The following PSMD3 variants were observed in gnomAD, a reference collection of about 807,000 sequenced individuals.
The protein encoded by PSMD3 is proteasome 26S subunit, non-ATPase 3.
Under a neutral mutation model 62.8 loss-of-function variants are expected in PSMD3, and 5 were observed. The observed-to-expected ratio is 0.08, with a 90% CI of 0.04 to 0.17. PSMD3 has a LOEUF of 0.17. PSMD3 is among the 10% of genes least tolerant of loss of function. The probability of loss-of-function intolerance (pLI) is 1.00; values close to 1 mark genes in which losing one functional copy is unlikely to be tolerated. For synonymous variants in PSMD3, 265 were observed against 283.9 expected (o/e 0.93, Z 0.67); for missense variants, 524 against 713.6 (o/e 0.73, Z 3.03).
In PSMD3 at chr17:39,996,554, A is replaced by T; in HGVS notation, c.1476+216A>T. ...CCTCTCCTATTGCGTTTAAGGGATG[A>T]TGTGGTCACCAGGGAGGACCAGGCA... On this transcript the variant is annotated intron_variant, in intron 10 of 11. Coordinates refer to ENST00000264639, the MANE Select transcript of PSMD3 (RefSeq NM_002809.4). The surrounding 1 kb of genome is among the most constrained non-coding windows in gnomAD (Gnocchi z 5.1). The T allele has an allele frequency of 1.4e-6, 1 of 707,126 alleles. No homozygotes were observed. Among genetic ancestry groups the T allele is most frequent in the Non-Finnish European group, 2.5e-6 (1 of 398,664 alleles). 43.8% of individuals were successfully genotyped at this position (707,126 alleles called of 1,614,324 possible).
Position 39,980,877 on chromosome 17 carries a change from G to T in PSMD3, c.-94G>T. On this transcript the variant is annotated 5_prime_UTR_variant, in exon 1 of 12. Transcript: ENST00000264639. ...TGCGGCCCGACGCTATCTCGCGCTC[G>T]TGTGCAGGCCCGGCTCGGCTCCTGG... The T allele has an allele frequency of 8.8e-7, 1 of 1,139,654 alleles. No individual in the cohort carries two copies. The highest frequency in any genetic ancestry group is 1.2e-6 in the Non-Finnish European group (1 of 838,498). The allele number at this position is 1,139,654 out of a possible 1,614,324, so 70.6% of individuals were successfully genotyped here. A position where few individuals can be genotyped will look rare whatever the true frequency, so the allele number is the denominator to read the frequency against.
At chr17:39,983,933 C>A (rs534624898) in intron 1 of PSMD3, among the ~76,000 whole-genome samples, 6 of 152,192 alleles carry the variant, frequency 3.9e-5, no homozygotes, top group Admixed American at 1.3e-4. Context: ...GGCACGGTGG[C>A]TCACGCCTAT....
intron 3 of PSMD3, among the ~76,000 whole-genome samples, chr17:39,987,349 G>T (rs1280908836): frequency 6.6e-6 from 1 of 152,106 alleles, no homozygotes; most frequent in Non-Finnish European, 1.5e-5. Context: ...ATTTTTGGTT[G>T]TTGTTTGGTT....
In PSMD3 at chr17:39,996,422, C is replaced by T; in HGVS notation, c.1476+84C>T. On this transcript the variant is annotated intron_variant, in intron 10 of 11. Transcript: ENST00000264639. The surrounding 1 kb of genome is among the most constrained non-coding windows in gnomAD (Gnocchi z 5.1). The stretch of plus-strand genomic sequence containing the variant: ...TCATGGATTCCTCAGAGAAGACTGG[C>T]TTAATTTGTGGCCCACGTCCCAGCC... The T allele has an allele frequency of 1.3e-6, 2 of 1,518,476 alleles. No individual in the cohort carries two copies. The highest frequency in any genetic ancestry group is 2.4e-5 in the South Asian group (2 of 81,936). The allele number at this position is 1,518,476 out of a possible 1,614,324, so 94.1% of individuals were successfully genotyped here.
chr17:39,991,039 C>T (rs142831516), intron 6 of PSMD3, among the ~76,000 whole-genome samples: 3,701 of 152,128 alleles, frequency 0.024, 167 homozygotes, highest in African/African-American at 0.084. Flanking sequence ...AGTGCAATGG[C>T]ACGATCTTTT....
rs778443728 is a variant in PSMD3 at position 39,995,334 on chromosome 17, A to G, written c.1216+39A>G. On this transcript the variant is annotated intron_variant, in intron 8 of 11. Transcript: ENST00000264639. The surrounding 1 kb of genome is among the most constrained non-coding windows in gnomAD (Gnocchi z 4.1). ...TCTGAGGGGCTGTTGGAGGAGCAGAAGCCAGGCCAGGGCAAACCTAGTGGG... is the reference window on the plus strand; with the variant it reads ...TCTGAGGGGCTGTTGGAGGAGCAGAGGCCAGGCCAGGGCAAACCTAGTGGG... 1 of 1,614,120 alleles carries G rather than the reference A, an allele frequency of 6.2e-7. No homozygotes were observed. Among genetic ancestry groups the G allele is most frequent in the South Asian group, 1.1e-5 (1 of 91,082 alleles).
intron 3 of PSMD3, among the ~76,000 whole-genome samples, chr17:39,987,859 G>A (rs1050438808): frequency 2.6e-5 from 4 of 152,214 alleles, no homozygotes; most frequent in Admixed American, 6.5e-5. Flanking sequence ...TGTAATCCCA[G>A]CACCTTGGGA....
Position 39,997,638 on chromosome 17 carries a change from G to T in PSMD3, c.*57G>T. ...GGGACAGGCTCTTTCCCCCTTGGGG[G>T]TCCCCTGCCCAGGGCACTGTCCCCA... On this transcript the variant is annotated 3_prime_UTR_variant, in exon 12 of 12. Coordinates refer to ENST00000264639, the MANE Select transcript of PSMD3 (RefSeq NM_002809.4). 2.5e-6 allele frequency: 4 copies of T among 1,570,800 alleles called. No homozygotes were observed. Among genetic ancestry groups the T allele is most frequent in the Non-Finnish European group, 3.5e-6 (4 of 1,147,876 alleles).
chr17:39,983,164 C>T (rs529563489), intron 1 of PSMD3, among the ~76,000 whole-genome samples: 1 of 152,174 alleles, frequency 6.6e-6, no homozygotes, highest in South Asian at 2.1e-4. Flanking sequence ...TCCCGAGTAG[C>T]TGGGATTACG....
intron 6 of PSMD3, among the ~76,000 whole-genome samples, chr17:39,992,286 C>T (rs756796300): frequency 9.9e-5 from 15 of 152,136 alleles, no homozygotes; most frequent in Non-Finnish European, 1.6e-4. Context: ...AGAGAGGTCT[C>T]GGGCTGTTGG....
chr17:39,993,824 G>A (rs904081621), intron 6 of PSMD3: 4 of 152,172 alleles, frequency 2.6e-5, no homozygotes, highest in African/African-American at 9.7e-5. Context: ...GCTAGGTATT[G>A]TTATTGTTAT....
At chr17:39,992,625 A>C (rs1980684579) in intron 6 of PSMD3, among the ~76,000 whole-genome samples, 1 of 151,898 alleles carries the variant, frequency 6.6e-6, no homozygotes, top group South Asian at 2.1e-4. Context: ...CTCTCCGCCC[A>C]TTTTCACCCT....
rs370536753 is a variant in PSMD3 at position 39,997,440 on chromosome 17, C to T, written c.1527+60C>T. The T allele has an allele frequency of 4.2e-5, 65 of 1,561,572 alleles. No homozygotes were observed. The South Asian group carries it at 5.4e-4, about 13-fold the overall frequency. On this transcript the variant is annotated intron_variant, in intron 11 of 11. Coordinates refer to ENST00000264639, the MANE Select transcript of PSMD3 (RefSeq NM_002809.4). The stretch of plus-strand genomic sequence containing the variant: ...TCAAACTTCCACACAGAAGGGGAGT[C>T]GGGCGAGTGTCTGGAAGGGCTGAGC...
At position 39,995,335 on chromosome 17, in the gene PSMD3, G is replaced by A; in HGVS notation, c.1216+40G>A. On this transcript the variant is annotated intron_variant, in intron 8 of 11. Coordinates refer to ENST00000264639, the MANE Select transcript of PSMD3 (RefSeq NM_002809.4). The surrounding 1 kb of genome is among the most constrained non-coding windows in gnomAD (Gnocchi z 4.1). Reference sequence around the variant, plus strand: ...CTGAGGGGCTGTTGGAGGAGCAGAAGCCAGGCCAGGGCAAACCTAGTGGGT... The same window carrying A: ...CTGAGGGGCTGTTGGAGGAGCAGAAACCAGGCCAGGGCAAACCTAGTGGGT... The A allele has an allele frequency of 1.2e-6, 2 of 1,614,156 alleles. No individual in the cohort carries two copies. Among genetic ancestry groups the A allele is most frequent in the Non-Finnish European group, 1.7e-6 (2 of 1,180,012 alleles).
chr17:39,997,785 G>C lies in PSMD3; in HGVS notation c.*204G>C, dbSNP rs116877864. On this transcript the variant is annotated 3_prime_UTR_variant, in exon 12 of 12. Coordinates refer to ENST00000264639, the MANE Select transcript of PSMD3 (RefSeq NM_002809.4). ...TGACTTACTGTACAGCAGGCAGGAG[G>C]GTGGGCAGGCAACCTCCCCGGGCAG... 1.1e-3 allele frequency: 680 copies of C among 629,952 alleles called. 6 individuals carry two copies. The East Asian group carries it at 0.016, about 15-fold the overall frequency. 39.0% of individuals were successfully genotyped at this position (629,952 alleles called of 1,614,324 possible).
chr17:39,983,840 T>C (rs573254716), intron 1 of PSMD3, among the ~76,000 whole-genome samples: 120 of 152,316 alleles, frequency 7.9e-4, no homozygotes, highest in African/African-American at 2.8e-3. Flanking sequence ...TCTGTAAATA[T>C]TATGGACCCC....
chr17:39,990,308 C>T, intron 6 of PSMD3, 111 bp downstream of exon 6: 1 of 925,482 alleles, frequency 1.1e-6, no homozygotes, highest in Non-Finnish European at 1.6e-6. Flanking sequence ...AGAAGTCCTC[C>T]CACCTCAGCT....
Position 39,995,069 on chromosome 17 carries a change from G to A in PSMD3, c.1096+1G>A, listed in dbSNP as rs112092690. On this transcript the variant is annotated splice_donor_variant, in intron 7 of 11. Transcript: ENST00000264639. LOFTEE classifies it high-confidence loss of function. The surrounding 1 kb of genome is among the most constrained non-coding windows in gnomAD (Gnocchi z 4.1). The stretch of plus-strand genomic sequence containing the variant: ...ATGCCCTATTTCCTTCTGACTCAAG[G>A]TAAGGCTGGCTTCCCCACCCCAGAG... 1 of 1,613,960 alleles carries A rather than the reference G, an allele frequency of 6.2e-7. No homozygotes were observed. The highest frequency in any genetic ancestry group is 8.5e-7 in the Non-Finnish European group (1 of 1,180,020).
chr17:39,989,147 G>A (rs550313142), intron 4 of PSMD3, among the ~76,000 whole-genome samples: 22 of 152,254 alleles, frequency 1.4e-4, no homozygotes, highest in African/African-American at 4.8e-4. Context: ...GTGGCTTCCC[G>A]TCTCAAGGAA....
Sources: allele counts gnomAD v4.1 joint callset (sites outside exome capture counted in the v4.1 genomes callset), GRCh38; gene constraint gnomAD v4.1.1; non-coding constraint Gnocchi (gnomAD v3.1); transcripts MANE v1.5; gene names NCBI Gene and HGNC (gene_info 2026-07-23, HGNC 2026-07-21).